ASB5: variants seen among roughly 807,000 people sequenced by gnomAD.
ASB5 encodes ankyrin repeat and SOCS box containing 5, also known as ankyrin repeat and SOCS box protein 5.
A neutral mutation model predicts 42.1 loss-of-function variants in ASB5; 45 were observed. The ratio of observed to expected loss-of-function variants is 1.07; its 90% CI spans 0.84 to 1.37. ASB5 has a LOEUF of 1.37. Among genes scored for constraint, ASB5 ranks in the 40% most tolerant of loss-of-function variants. ASB5 has a pLI of 0.00. For synonymous variants in ASB5, 147 were observed against 150.6 expected (o/e 0.98, Z 0.18); for missense variants, 402 against 399.8 (o/e 1.01, Z -0.05).
At chr4:176,271,895 A>G (rs1025499155), upstream of ASB5, among the ~76,000 whole-genome samples, 26 of 152,120 alleles carry the variant, frequency 1.7e-4, no homozygotes, top group Non-Finnish European at 8.8e-5. Context: ...AAGCACTTAC[A>G]ATCTGATTGA....
In ASB5 at chr4:176,223,922, C is replaced by A. The variant is rs183389074; in HGVS notation, c.276+1340G>T. Among the ~76,000 whole-genome samples, 6 of 152,220 alleles carry A rather than the reference C, an allele frequency of 3.9e-5. No individual in the cohort carries two copies. In the East Asian group the frequency reaches 9.7e-4, roughly 24 times the overall value. ...GGAATTACCCTTTAGAATTTGTTGA[C>A]CCCTTTTTAGTGTTTATTTTCCTCC... is the stretch of plus-strand genomic sequence containing the variant. On this transcript the variant is annotated intron_variant, in intron 2 of 6. Coordinates refer to ENST00000296525, the MANE Select transcript of ASB5 (RefSeq NM_080874.4).
chr4:176,274,208 G>A (rs537582662), upstream of ASB5, among the ~76,000 whole-genome samples: 16 of 152,242 alleles, frequency 1.1e-4, no homozygotes, highest in South Asian at 2.1e-4. Flanking sequence ...GCAGCATCAC[G>A]GTACCTTCAT....
At chr4:176,255,553 T>C (rs1754139100) in intron 1 of ASB5, among the ~76,000 whole-genome samples, 1 of 152,234 alleles carries the variant, frequency 6.6e-6, no homozygotes, top group Admixed American at 6.5e-5. Flanking sequence ...ATCATGTCCT[T>C]TGCAGCAACG....
chr4:176,261,187 C>T (rs1003306007), intron 1 of ASB5, among the ~76,000 whole-genome samples: 8 of 152,156 alleles, frequency 5.3e-5, no homozygotes, highest in Admixed American at 4.6e-4. Context: ...CCCAAGTCCA[C>T]AGAATTACCA....
chr4:176,214,947 G>A lies in ASB5; in HGVS notation c.*653C>T, dbSNP rs1476853300. 3 of 147,782 alleles carry A rather than the reference G, an allele frequency of 2.0e-5. No individual in the cohort carries two copies. The highest frequency in any genetic ancestry group is 4.4e-5 in the Non-Finnish European group (3 of 67,460). The allele number at this position is 147,782 out of a possible 1,614,324, so 9.2% of individuals were successfully genotyped here. A position where few individuals can be genotyped will look rare whatever the true frequency, so the allele number is the denominator to read the frequency against. On this transcript the variant is annotated 3_prime_UTR_variant, in exon 7 of 7. Coordinates refer to ENST00000296525, the MANE Select transcript of ASB5 (RefSeq NM_080874.4). Reference sequence around the variant, plus strand: ...CTAAATATCTCAGGGTGAGAGGGCAGTATTGACCTTTCATCCTATCACTTT... The same window carrying A: ...CTAAATATCTCAGGGTGAGAGGGCAATATTGACCTTTCATCCTATCACTTT...
At chr4:176,224,281 CT>C (rs1357487391) in intron 2 of ASB5, among the ~76,000 whole-genome samples, 2 of 118,030 alleles carry the variant, frequency 1.7e-5, no homozygotes, top group African/African-American at 6.5e-5. Flanking sequence ...GTCGCCTAGG[CT>C]GGAGTGCAAT....
chr4:176,221,998 T>C (rs1753227264), intron 3 of ASB5, among the ~76,000 whole-genome samples: 1 of 152,220 alleles, frequency 6.6e-6, no homozygotes, highest in African/African-American at 2.4e-5. Flanking sequence ...TGAGACTTTA[T>C]TTAAGGAAAA....
intron 5 of ASB5, 41 bp downstream of exon 5, chr4:176,221,114 G>A (rs1753191335): frequency 1.3e-6 from 2 of 1,540,388 alleles, no homozygotes; most frequent in Non-Finnish European, 1.7e-6. Flanking sequence ...ATAACTGCTT[G>A]TGTGTATGGA....
intron 1 of ASB5, among the ~76,000 whole-genome samples, chr4:176,267,451 ACT>A (rs953407708): frequency 7.2e-5 from 11 of 151,902 alleles, no homozygotes; most frequent in African/African-American, 2.2e-4. Context: ...CAATGTTGAG[ACT>A]CTGTCTCTAC....
chr4:176,238,796 T>A (rs1753749130), intron 1 of ASB5, among the ~76,000 whole-genome samples: 1 of 152,212 alleles, frequency 6.6e-6, no homozygotes, highest in Admixed American at 6.5e-5. Flanking sequence ...TGCACTACCC[T>A]ATGGACATTT....
At chr4:176,241,421 TC>T in intron 1 of ASB5, 1 of 1,479,716 alleles carries the variant, frequency 6.8e-7, no homozygotes, top group Non-Finnish European at 9.0e-7. Flanking sequence ...AAATAAAACC[TC>T]CTTAAATCAT....
rs557805300 is a variant in ASB5 at position 176,258,299 on chromosome 4, C to T, written c.196+10614G>A. ...ACGTTAAGCAACTTTCCTGAGATCACACAGCTAGAAAATGCTACAACCATG... is the reference window on the plus strand; with the variant it reads ...ACGTTAAGCAACTTTCCTGAGATCATACAGCTAGAAAATGCTACAACCATG... On this transcript the variant is annotated intron_variant, in intron 1 of 6. Transcript: ENST00000296525. Among the ~76,000 whole-genome samples, 15 of 152,320 alleles carry T rather than the reference C, an allele frequency of 9.8e-5. No homozygotes were observed. In the East Asian group the frequency reaches 2.3e-3, roughly 23 times the overall value.
chr4:176,245,718 TA>T (rs1753898292), intron 1 of ASB5, among the ~76,000 whole-genome samples: 1 of 151,996 alleles, frequency 6.6e-6, no homozygotes, highest in Non-Finnish European at 1.5e-5. Flanking sequence ...TATGCGGCCA[TA>T]AAAAAGGATG....
At chr4:176,235,734 C>T (rs1488593139) in intron 1 of ASB5, among the ~76,000 whole-genome samples, 1 of 151,980 alleles carries the variant, frequency 6.6e-6, no homozygotes, top group Non-Finnish European at 1.5e-5. Context: ...TTTACATTCT[C>T]ATTAACAGCA....
Position 176,222,371 on chromosome 4 carries a change from T to C in ASB5, c.326A>G (p.Glu109Gly), listed in dbSNP as rs1456870841. 2 of 1,614,030 alleles carry C rather than the reference T, an allele frequency of 1.2e-6. No individual in the cohort carries two copies. The highest frequency in any genetic ancestry group is 1.7e-6 in the Non-Finnish European group (2 of 1,179,978). Residue 109 changes from glutamate (E) to glycine (G), a missense_variant, in exon 3 of 7, where the codon GAA becomes GGA. By Grantham distance (98) the Glu-to-Gly change is moderately conservative (BLOSUM62 -2). Transcript: ENST00000296525. ...VTLDHVTPLH[E>G]ACLGDHVACA... is the part of the protein sequence containing the mutation. Reference sequence around the variant, plus strand: ...TGCCACGTGATCTCCAAGGCAGGCTTCGTGCAATGGGGTGACATGGTCTAA... The same window carrying C: ...TGCCACGTGATCTCCAAGGCAGGCTCCGTGCAATGGGGTGACATGGTCTAA...
rs752928133 is a variant in ASB5 at position 176,214,464 on chromosome 4, T to G, written c.*1136A>C. On this transcript the variant is annotated 3_prime_UTR_variant, in exon 7 of 7. Coordinates refer to ENST00000296525, the MANE Select transcript of ASB5 (RefSeq NM_080874.4). ...CAAGTATAGTTAAAGCTGAAGAGAATAAACGTAGTATTTACCCTTGCAGAG... is the reference window on the plus strand; with the variant it reads ...CAAGTATAGTTAAAGCTGAAGAGAAGAAACGTAGTATTTACCCTTGCAGAG... 3.3e-5 allele frequency: 5 copies of G among 152,124 alleles called. No individual in the cohort carries two copies. Among genetic ancestry groups the G allele is most frequent in the Non-Finnish European group, 7.4e-5 (5 of 68,000 alleles). 9.4% of individuals were successfully genotyped at this position (152,124 alleles called of 1,614,324 possible).
At chr4:176,223,917 G>T (rs1753295066) in intron 2 of ASB5, among the ~76,000 whole-genome samples, 1 of 152,130 alleles carries the variant, frequency 6.6e-6, no homozygotes. Context: ...TTTAGAATTT[G>T]TTGACCCCTT....
chr4:176,234,737 G>A (rs1018908384), intron 1 of ASB5, among the ~76,000 whole-genome samples: 1 of 152,182 alleles, frequency 6.6e-6, no homozygotes, highest in African/African-American at 2.4e-5. Context: ...ATCAAGGGCT[G>A]TGAAAGGAGG....
intron 2 of ASB5, among the ~76,000 whole-genome samples, chr4:176,274,628 C>T (rs147480031): frequency 6.6e-6 from 1 of 152,248 alleles, no homozygotes; most frequent in African/African-American, 2.4e-5. Flanking sequence ...TCTGAGGTAG[C>T]CACACCCTGT....
Sources: gnomAD v4.1 joint callset for allele counts (sites outside exome capture counted in the v4.1 genomes callset) on GRCh38, gnomAD v4.1.1 for gene constraint, MANE v1.5 for transcripts, NCBI Gene and HGNC (gene_info 2026-07-23, HGNC 2026-07-21) for gene names.